Variants in TTC3 observed in about 807,000 individuals in gnomAD.
TTC3 encodes the protein tetratricopeptide repeat domain 3.
In TTC3, 180 loss-of-function variants were observed where a neutral mutation model predicts 249.6. That is an observed-to-expected ratio of 0.72 (90% CI 0.64 to 0.82). The LOEUF (loss-of-function observed/expected upper bound fraction) is 0.82, where lower values mean the gene tolerates loss of function less well. TTC3 is among the 40% of genes least tolerant of loss of function. TTC3 has a pLI of 0.00. For synonymous variants in TTC3, 717 were observed against 805.0 expected (o/e 0.89, Z 1.85); for missense variants, 2,061 against 2,398.4 (o/e 0.86, Z 2.94).
chr21:37,187,056 C>A (rs370563624), exon 38 of TTC3: 4 of 1,531,342 alleles, frequency 2.6e-6, no homozygotes. Flanking sequence ...TAGCAACACA[C>A]TTACAAATGA....
At chr21:37,157,300 T>A in intron 28 of TTC3, 1 of 802,758 alleles carries the variant, frequency 1.2e-6, no homozygotes, top group Non-Finnish European at 1.8e-6. Flanking sequence ...GATAGCATTC[T>A]AGGATGTTTT....
At chr21:37,117,304 C>T (rs1329881864) in intron 11 of TTC3, among the ~76,000 whole-genome samples, 1 of 151,992 alleles carries the variant, frequency 6.6e-6, no homozygotes, top group East Asian at 1.9e-4. Flanking sequence ...GCAATTGAGT[C>T]CCAGAGAGGT....
At chr21:37,176,883 A>G (rs945664977) in intron 35 of TTC3, among the ~76,000 whole-genome samples, 1 of 152,194 alleles carries the variant, frequency 6.6e-6, no homozygotes, top group African/African-American at 2.4e-5. Context: ...TCCACGGCCT[A>G]GTTCAACTAA....
chr21:37,127,377 T>C (rs1372062169), intron 15 of TTC3, among the ~76,000 whole-genome samples: 1 of 152,210 alleles, frequency 6.6e-6, no homozygotes, highest in Non-Finnish European at 1.5e-5. Context: ...TATTTACATA[T>C]CTAGTAAACA....
Position 37,087,421 on chromosome 21 carries a change from T to G in TTC3, c.144+20T>G. On this transcript the variant is annotated intron_variant, in intron 2 of 45. Transcript: ENST00000355666. ...GGGGTGGTAAGTAGGTTTGCTAATT[T>G]TTCATTTTTGACATTGTGTATTGAA... is the stretch of plus-strand genomic sequence containing the variant. 6.2e-7 allele frequency: 1 copy of G among 1,612,622 alleles called. No individual in the cohort carries two copies. Among genetic ancestry groups the G allele is most frequent in the Middle Eastern group, 1.7e-4 (1 of 6,050 alleles).
chr21:37,080,540 A>T (rs560999026), intron 1 of TTC3, among the ~76,000 whole-genome samples: 5 of 152,168 alleles, frequency 3.3e-5, no homozygotes, highest in Non-Finnish European at 7.3e-5. Flanking sequence ...GGTTTATCCT[A>T]TCATTAACTG....
Position 37,087,819 on chromosome 21 carries a change from TTTC to T in TTC3, c.145-8_145-6del. On this transcript the variant is annotated splice_polypyrimidine_tract_variant and intron_variant, in intron 2 of 45. Transcript: ENST00000355666. The stretch of plus-strand genomic sequence containing the variant: ...TTTACTAGACACAAATCAAAATAAT[TTTC>T]TTCTTTTTAGGGTGTGCAATATAAA... The T allele has an allele frequency of 6.4e-7, 1 of 1,572,828 alleles. No individual in the cohort carries two copies. The highest frequency in any genetic ancestry group is 8.7e-7 in the Non-Finnish European group (1 of 1,150,834).
At chr21:37,087,285 A>G in exon 2 of TTC3, 1 of 1,614,060 alleles carries the variant, frequency 6.2e-7, no homozygotes, top group Non-Finnish European at 8.5e-7. Flanking sequence ...GGGAGATTTC[A>G]CTGTGGCGGA....
rs534501675 is a variant in TTC3, at chr21:37,163,039, A to G, written c.3170+976A>G. 2.6e-5 allele frequency among the ~76,000 whole-genome samples: 4 copies of G among 152,352 alleles called. No individual in the cohort carries two copies. In the South Asian group the frequency reaches 8.3e-4, roughly 32 times the overall value. ...ATCACATTGGTGATTAGGTTTCAAC[A>G]TATGAGTTTTGCAGAAACACAAACA... On this transcript the variant is annotated intron_variant, in intron 31 of 45. Transcript: ENST00000355666.
At chr21:37,081,203 C>T (rs565491885) in intron 1 of TTC3, among the ~76,000 whole-genome samples, 141 of 147,376 alleles carry the variant, frequency 9.6e-4, no homozygotes, top group African/African-American at 3.3e-3. Context: ...TTGCAACCTC[C>T]GCCTCCTGGA....
At chr21:37,196,866 A>G (rs2084968734) in intron 42 of TTC3, among the ~76,000 whole-genome samples, 1 of 152,212 alleles carries the variant, frequency 6.6e-6, no homozygotes, top group African/African-American at 2.4e-5. Flanking sequence ...AATGTGGGAA[A>G]AAGCTGCCCT....
chr21:37,096,649 T>C lies in TTC3; in HGVS notation c.845+6T>C. 1 of 1,602,170 alleles carries C rather than the reference T, an allele frequency of 6.2e-7. No homozygotes were observed. Among genetic ancestry groups the C allele is most frequent in the Non-Finnish European group, 8.5e-7 (1 of 1,172,578 alleles). On this transcript the variant is annotated splice_donor_region_variant and intron_variant, in intron 10 of 45. Coordinates refer to ENST00000355666, the Ensembl canonical transcript of TTC3. ...CTTCGTACTGGACAGTTTAGGTAAGTTGGTTAAAATATCTCAACCACTGAA... is the reference window on the plus strand; with the variant it reads ...CTTCGTACTGGACAGTTTAGGTAAGCTGGTTAAAATATCTCAACCACTGAA...
chr21:37,200,078 A>T (rs2085338073), intron 44 of TTC3, among the ~76,000 whole-genome samples, 154 bp from the exon 45 acceptor site: 1 of 152,224 alleles, frequency 6.6e-6, no homozygotes, highest in African/African-American at 2.4e-5. Flanking sequence ...TGCTATTAAA[A>T]AATAAGTTGT....
exon 46 of TTC3, chr21:37,201,657 T>C: frequency 5.2e-6 from 8 of 1,532,174 alleles, no homozygotes; most frequent in Non-Finnish European, 7.1e-6. Context: ...AAAACAAACA[T>C]TTGAAGACCC....
At chr21:37,133,676 C>G (rs2077670022) in intron 17 of TTC3, among the ~76,000 whole-genome samples, 1 of 152,118 alleles carries the variant, frequency 6.6e-6, no homozygotes, top group Non-Finnish European at 1.5e-5. Context: ...CTGGAGCTTT[C>G]AGGACAGATC....
intron 10 of TTC3, chr21:37,098,654 A>C (rs1405423679): frequency 6.6e-6 from 1 of 152,126 alleles, no homozygotes; most frequent in Non-Finnish European, 1.5e-5. Flanking sequence ...GTTTTACCAC[A>C]CTGGTTTTGC....
chr21:37,076,694 A>AT (rs61629167), intron 1 of TTC3, among the ~76,000 whole-genome samples: 2,878 of 94,876 alleles, frequency 0.03, 221 homozygotes, highest in African/African-American at 0.079. Flanking sequence ...AAACAAAGGG[A>AT]TTTTTTTTTT....
chr21:37,176,663 A>G (rs1300707611), intron 35 of TTC3, among the ~76,000 whole-genome samples: 1 of 152,170 alleles, frequency 6.6e-6, no homozygotes, highest in East Asian at 1.9e-4. Flanking sequence ...GCCACACTCA[A>G]TTGTTTTTAC....
intron 11 of TTC3, among the ~76,000 whole-genome samples, chr21:37,114,507 G>A (rs953502372): frequency 5.9e-5 from 9 of 152,182 alleles, no homozygotes; most frequent in Admixed American, 5.9e-4. Flanking sequence ...ATTTAGAATG[G>A]CAATCATTAA....
Sources: allele counts gnomAD v4.1 joint callset (sites outside exome capture counted in the v4.1 genomes callset), GRCh38; gene constraint gnomAD v4.1.1; transcripts MANE v1.5; gene names NCBI Gene and HGNC (gene_info 2026-07-23, HGNC 2026-07-21).